The following CC2D1A variants were observed in gnomAD, a reference collection of about 807,000 sequenced individuals.
The protein encoded by CC2D1A is coiled-coil and C2 domain-containing protein 1A.
A neutral mutation model predicts 123.8 loss-of-function variants in CC2D1A; 68 were observed. The ratio of observed to expected loss-of-function variants is 0.55; its 90% CI spans 0.45 to 0.67. The LOEUF is 0.67. CC2D1A is among the 30% of genes least tolerant of loss of function. The pLI is 0.00. For synonymous variants in CC2D1A, 477 were observed against 528.0 expected (o/e 0.90, Z 1.32); for missense variants, 1,185 against 1,290.3 (o/e 0.92, Z 1.25).
At chr19:13,926,013 T>C (rs1208055190) in intron 17 of CC2D1A, among the ~76,000 whole-genome samples, 1,737 of 123,114 alleles carry the variant, frequency 0.014, 107 homozygotes, top group African/African-American at 0.069. Context: ...TATATATATA[T>C]ACGTATATAT....
intron 14 of CC2D1A, 150 bp downstream of exon 14, chr19:13,921,072 CATTT>C (rs1456386800): frequency 1.3e-6 from 1 of 797,786 alleles, no homozygotes; most frequent in East Asian, 2.8e-5. Flanking sequence ...AGGAGACAGA[CATTT>C]ATTATGTTTC....
In CC2D1A at chr19:13,906,932, A is replaced by G. The variant is rs562131565; in HGVS notation, c.60+431A>G. On this transcript the variant is annotated intron_variant, in intron 1 of 28. Coordinates refer to ENST00000318003, the MANE Select transcript of CC2D1A (RefSeq NM_017721.5). The surrounding 1 kb of genome is among the most constrained non-coding windows in gnomAD (Gnocchi z 4.1). ...AGGGCTGCAGCCATAAGCTTATGGC[A>G]CTGTGGCTGGACCCCTTCTCACTCT... Among the ~76,000 whole-genome samples, 1 of 152,196 alleles carries G rather than the reference A, an allele frequency of 6.6e-6. No individual in the cohort carries two copies. Among genetic ancestry groups the G allele is most frequent in the Admixed American group, 6.5e-5 (1 of 15,272 alleles).
chr19:13,912,289 C>T (rs1160056574), intron 2 of CC2D1A, 34 bp from the exon 3 acceptor site: 1 of 1,559,692 alleles, frequency 6.4e-7, no homozygotes, highest in Non-Finnish European at 8.7e-7. Context: ...TGGTGTACGA[C>T]CCTGGTCCAC....
At position 13,919,194 on chromosome 19, in the gene CC2D1A, T is replaced by G. The variant is rs1348717417; in HGVS notation, c.1214T>G (p.Val405Gly). 1 of 1,612,296 alleles carries G rather than the reference T, an allele frequency of 6.2e-7. No individual in the cohort carries two copies. The highest frequency in any genetic ancestry group is 2.2e-5 in the East Asian group (1 of 44,836). Residue 405 changes from valine (V) to glycine (G), a missense_variant, in exon 11 of 29, where the codon GTG becomes GGG. Coordinates refer to ENST00000318003, the MANE Select transcript of CC2D1A (RefSeq NM_017721.5). ...GCCGTGGATGTCGCTGAATTGCCCGTGCCCCCAGGTAGGCCTTGCCCCTGT... is the reference window on the plus strand; with the variant it reads ...GCCGTGGATGTCGCTGAATTGCCCGGGCCCCCAGGTAGGCCTTGCCCCTGT... ...GRAVDVAELPVPPGFPPIQGL... is the reference protein window; with the variant it reads ...GRAVDVAELPGPPGFPPIQGL...
At position 13,913,647 on chromosome 19, in the gene CC2D1A, T is replaced by C; in HGVS notation, c.748+9T>C. 5 of 1,589,048 alleles carry C rather than the reference T, an allele frequency of 3.1e-6. No individual in the cohort carries two copies. Among genetic ancestry groups the C allele is most frequent in the Non-Finnish European group, 4.3e-6 (5 of 1,165,070 alleles). ...GCCCCAGATGCCCCCAGGTAGGTGA[T>C]GGGCAGGGCCGGGCTGATATGGGAT... On this transcript the variant is annotated intron_variant, in intron 6 of 28. Coordinates refer to ENST00000318003, the MANE Select transcript of CC2D1A (RefSeq NM_017721.5).
At chr19:13,917,987 TTAAA>T in intron 6 of CC2D1A, 79 bp from the exon 7 acceptor site, 3 of 1,426,768 alleles carry the variant, frequency 2.1e-6, no homozygotes, top group Admixed American at 2.4e-5. Flanking sequence ...AAAAAAAAAA[TTAAA>T]TAAATAAATA....
In CC2D1A at chr19:13,906,524, G is replaced by A. The variant is rs1258851202; in HGVS notation, c.60+23G>A. 6.9e-7 allele frequency: 1 copy of A among 1,459,448 alleles called. No individual in the cohort carries two copies. The highest frequency in any genetic ancestry group is 2.5e-5 in the Admixed American group (1 of 40,416). 90.4% of individuals were successfully genotyped at this position (1,459,448 alleles called of 1,614,324 possible). A position where few individuals can be genotyped will look rare whatever the true frequency, so the allele number is the denominator to read the frequency against. Reference sequence around the variant, plus strand: ...CAGGTGAGTTTGCGCCCCACGGCCCGACCTGGGGATCCCTCCCCACCCCCG... The same window carrying A: ...CAGGTGAGTTTGCGCCCCACGGCCCAACCTGGGGATCCCTCCCCACCCCCG... On this transcript the variant is annotated intron_variant, in intron 1 of 28. Transcript: ENST00000318003. The surrounding 1 kb of genome is among the most constrained non-coding windows in gnomAD (Gnocchi z 4.1).
Position 13,929,436 on chromosome 19 carries a change from G to C in CC2D1A, c.2577G>C (p.Glu859Asp), listed in dbSNP as rs1971783783. The change falls in exon 25 of 29, where the codon GAG becomes GAC. Residue 859 changes from glutamate (E) to aspartate (D), a missense_variant. Glu to Asp is a conservative substitution (Grantham distance 45). Transcript: ENST00000318003. ...TGGCGTTTGACCAAGAGCGTCTGGA[G>C]CGGAAGGTGGGTATCCATCCTGCCG... ...SVLAFDQERL[E>D]RKILALRQAR... 1 of 1,613,360 alleles carries C rather than the reference G, an allele frequency of 6.2e-7. No homozygotes were observed. Among genetic ancestry groups the C allele is most frequent in the East Asian group, 2.2e-5 (1 of 44,740 alleles).
rs1440293293 is a variant in CC2D1A, at chr19:13,928,002, T to C, written c.2426T>C (p.Ile809Thr). 2 of 1,613,622 alleles carry C rather than the reference T, an allele frequency of 1.2e-6. No individual in the cohort carries two copies. Residue 809 changes from isoleucine (I) to threonine (T), a missense_variant, in exon 23 of 29, where the codon ATT becomes ACT. Physicochemically the swap from Ile to Thr is moderately conservative, Grantham distance 89. Coordinates refer to ENST00000318003, the MANE Select transcript of CC2D1A (RefSeq NM_017721.5). ...ACGACGACAGAGAGGTGGCTGGTCA[T>C]TGACCCTGTGCCGGCAGCTGTGCCC... ...LETTTERWLV[I>T]DPVPAAVPTQ...
rs1383247368 is a variant in CC2D1A, at chr19:13,923,525, C to G, written c.1765-23C>G. On this transcript the variant is annotated intron_variant, in intron 15 of 28. Transcript: ENST00000318003. The surrounding 1 kb of genome is among the most constrained non-coding windows in gnomAD (Gnocchi z 5.3). ...CTTCCCCTCTCTTCCCTTCCCTCGA[C>G]TCACTGCCTTCTGTTTCCCCAGATG... is the stretch of plus-strand genomic sequence containing the variant. 1.9e-6 allele frequency: 3 copies of G among 1,614,128 alleles called. No individual in the cohort carries two copies. The highest frequency in any genetic ancestry group is 2.5e-6 in the Non-Finnish European group (3 of 1,180,016).
intron 14 of CC2D1A, among the ~76,000 whole-genome samples, chr19:13,921,579 T>G (rs773361625): frequency 6.6e-6 from 1 of 151,640 alleles, no homozygotes; most frequent in Non-Finnish European, 1.5e-5. Context: ...TTTGAGGAGC[T>G]TGAACTGGGC....
chr19:13,928,308 T>C, intron 24 of CC2D1A, 120 bp downstream of exon 24: 1 of 808,126 alleles, frequency 1.2e-6, no homozygotes, highest in South Asian at 1.7e-5. Flanking sequence ...AAAACCTTTC[T>C]TGGCACCCCT....
At position 13,912,370 on chromosome 19, in the gene CC2D1A, A is replaced by G. The variant is rs1406054940; in HGVS notation, c.244A>G (p.Arg82Gly). ...TGAGAAGATGGCCAGCCTGTGCATG[A>G]GAGACCCGGATGAGGATGAGGAGGA... ...AIEKMASLCM[R>G]DPDEDEEEGT... is the part of the protein sequence containing the mutation. Residue 82 changes from arginine to glycine, a missense_variant, in exon 3 of 29, where the codon AGA (arginine) becomes GGA (glycine). Coordinates refer to ENST00000318003, the MANE Select transcript of CC2D1A (RefSeq NM_017721.5). 2 of 1,613,214 alleles carry G rather than the reference A, an allele frequency of 1.2e-6. No individual in the cohort carries two copies. The highest frequency in any genetic ancestry group is 8.5e-7 in the Non-Finnish European group (1 of 1,179,674).
intron 22 of CC2D1A, 98 bp from the exon 23 acceptor site, chr19:13,927,795 A>T: frequency 8.1e-7 from 1 of 1,235,680 alleles, no homozygotes; most frequent in Non-Finnish European, 1.1e-6. Context: ...AAAAAAAAAA[A>T]CCAAAAAAAA....
chr19:13,915,437 G>T (rs1364334002), intron 6 of CC2D1A, among the ~76,000 whole-genome samples: 1 of 152,024 alleles, frequency 6.6e-6, no homozygotes, highest in East Asian at 1.9e-4. Context: ...GTAGAGACGG[G>T]GTTTCACCAT....
rs1314746988 is a variant in CC2D1A at position 13,906,493 on chromosome 19, G to T, written c.52G>T (p.Ala18Ser). Residue 18 changes from alanine (A) to serine (S), a missense_variant, in exon 1 of 29, where the codon GCC (alanine) becomes TCC (serine). Ala to Ser is a moderately conservative substitution (Grantham distance 99). Coordinates refer to ENST00000318003, the MANE Select transcript of CC2D1A (RefSeq NM_017721.5). The surrounding 1 kb of genome is among the most constrained non-coding windows in gnomAD (Gnocchi z 4.1). ...PGPPGRGAAA[A>S]RQLGLLVDLS... ...ACCCCCGGGCAGAGGCGCCGCGGCC[G>T]CCCGCCAGGTGAGTTTGCGCCCCAC... 4.7e-6 allele frequency: 7 copies of T among 1,492,528 alleles called. No individual in the cohort carries two copies. The Admixed American group carries it at 1.6e-4, about 34-fold the overall frequency. 92.5% of individuals were successfully genotyped at this position (1,492,528 alleles called of 1,614,324 possible). A position where few individuals can be genotyped will look rare whatever the true frequency, so the allele number is the denominator to read the frequency against.
chr19:13,920,677 C>T lies in CC2D1A; in HGVS notation c.1468+9C>T, dbSNP rs747793531. 1.1e-5 allele frequency: 17 copies of T among 1,605,442 alleles called. No homozygotes were observed. The highest frequency in any genetic ancestry group is 1.7e-5 in the Admixed American group (1 of 58,640). On this transcript the variant is annotated intron_variant, in intron 13 of 28. Coordinates refer to ENST00000318003, the MANE Select transcript of CC2D1A (RefSeq NM_017721.5). ...AGCCACATCCACCAGAGGTAAGTTCCCCCTCCCCGCCCCAGCTGCCTGTTG... is the reference window on the plus strand; with the variant it reads ...AGCCACATCCACCAGAGGTAAGTTCTCCCTCCCCGCCCCAGCTGCCTGTTG...
rs1313915688 is a variant in CC2D1A, at chr19:13,920,616, G to T, written c.1416G>T (p.Gln472His). 1 of 1,611,460 alleles carries T rather than the reference G, an allele frequency of 6.2e-7. No homozygotes were observed. Among genetic ancestry groups the T allele is most frequent in the Non-Finnish European group, 8.5e-7 (1 of 1,178,864 alleles). Reference sequence around the variant, plus strand: ...AAGCCCCACCCTCAAGAACTCCCCAGTCGGGATCAGCCCCAACAGCCAAAG... The same window carrying T: ...AAGCCCCACCCTCAAGAACTCCCCATTCGGGATCAGCCCCAACAGCCAAAG... The part of the protein sequence containing the change: ...QPKAPPSRTP[Q>H]SGSAPTAKAP... The change falls in exon 13 of 29, where the codon CAG becomes CAT. Residue 472 changes from glutamine to histidine, a missense_variant. Coordinates refer to ENST00000318003, the MANE Select transcript of CC2D1A (RefSeq NM_017721.5).
At chr19:13,929,981 C>T in intron 26 of CC2D1A, 97 bp from the exon 27 acceptor site, 1 of 1,248,714 alleles carries the variant, frequency 8.0e-7, no homozygotes. Context: ...GGATGGGCAC[C>T]TGGCGGGGGA....
Sources: gnomAD v4.1 joint callset for allele counts (sites outside exome capture counted in the v4.1 genomes callset) on GRCh38, gnomAD v4.1.1 for gene constraint, Gnocchi (gnomAD v3.1) non-coding constraint, MANE v1.5 for transcripts, NCBI Gene and HGNC (gene_info 2026-07-23, HGNC 2026-07-21) for gene names.